TTC9: variants seen among roughly 807,000 people sequenced by gnomAD.
TTC9 encodes tetratricopeptide repeat protein 9A.
In TTC9, 13 loss-of-function variants were observed where a neutral mutation model predicts 22.9. That is an observed-to-expected ratio of 0.57 (90% CI 0.37 to 0.90). The LOEUF (loss-of-function observed/expected upper bound fraction) is 0.90. TTC9 is among the 40% of genes least tolerant of loss of function. The pLI is 0.01. For missense variants in TTC9, 280 were observed against 291.8 expected, an observed-to-expected ratio of 0.96 and a Z score of 0.29; for synonymous variants, 148 against 133.2, an observed-to-expected ratio of 1.11 and a Z score of -0.77.
intron 1 of TTC9, among the ~76,000 whole-genome samples, chr14:70,646,398 C>G (rs1413831993): frequency 1.3e-5 from 2 of 152,124 alleles, no homozygotes; most frequent in South Asian, 2.1e-4. Flanking sequence ...ACACAGGACT[C>G]CCCTGGGGCC....
At chr14:70,647,711 T>G (rs563269123) in intron 1 of TTC9, among the ~76,000 whole-genome samples, 16 of 152,360 alleles carry the variant, frequency 1.1e-4, no homozygotes, top group African/African-American at 3.8e-4. Flanking sequence ...CCATCTCCTC[T>G]GTCCCTGCTC....
intron 1 of TTC9, among the ~76,000 whole-genome samples, chr14:70,658,537 A>G (rs976382478): frequency 6.6e-6 from 1 of 152,256 alleles, no homozygotes; most frequent in African/African-American, 2.4e-5. Context: ...AAGCATTACC[A>G]TTAGGCAAGG....
intron 1 of TTC9, among the ~76,000 whole-genome samples, chr14:70,663,913 C>G (rs1886178135): frequency 6.6e-6 from 1 of 152,212 alleles, no homozygotes; most frequent in South Asian, 2.1e-4. Context: ...AGTGCACAGT[C>G]TTGGAAGCCT....
intron 1 of TTC9, among the ~76,000 whole-genome samples, chr14:70,659,132 G>GCGTGCACACACACACA (rs762892061): frequency 6.9e-6 from 1 of 144,226 alleles, no homozygotes; most frequent in East Asian, 2.0e-4. Flanking sequence ...ACACACACAC[G>GCGTGCACACACACACA]CACACACACA....
At chr14:70,665,223 G>T (rs1886198152) in intron 1 of TTC9, among the ~76,000 whole-genome samples, 1 of 152,232 alleles carries the variant, frequency 6.6e-6, no homozygotes, top group Admixed American at 6.5e-5. Flanking sequence ...GGTCAGAGAG[G>T]ACTTCAGGCA....
intron 1 of TTC9, among the ~76,000 whole-genome samples, chr14:70,665,845 G>A (rs1886208088): frequency 6.6e-6 from 1 of 152,118 alleles, no homozygotes; most frequent in African/African-American, 2.4e-5. Flanking sequence ...TCAGTGACTT[G>A]TCTCTATCCT....
In TTC9 at chr14:70,642,191, A is replaced by G. The variant is rs1385897943; in HGVS notation, c.62A>G (p.Glu21Gly). 1 of 1,222,668 alleles carries G rather than the reference A, an allele frequency of 8.2e-7. No homozygotes were observed. Among genetic ancestry groups the G allele is most frequent in the Non-Finnish European group, 1.0e-6 (1 of 976,384 alleles). The allele number at this position is 1,222,668 out of a possible 1,614,324, so 75.7% of individuals were successfully genotyped here. Reference protein sequence around the residue: ...KGNPSPPAAGEGQRPPPPLCV... With the variant: ...KGNPSPPAAGGGQRPPPPLCV... The stretch of plus-strand genomic sequence containing the variant: ...AACCCGAGCCCGCCCGCGGCCGGAG[A>G]GGGGCAGCGGCCACCGCCGCCGCTG... The change falls in exon 1 of 3, where the codon GAG (glutamate) becomes GGG (glycine). Residue 21 changes from glutamate (E) to glycine (G), a missense_variant. Transcript: ENST00000256367.
intron 1 of TTC9, 95 bp from the exon 2 acceptor site, chr14:70,667,469 A>AAT: frequency 7.2e-7 from 1 of 1,386,072 alleles, no homozygotes; most frequent in Non-Finnish European, 1.0e-6. Flanking sequence ...GGAAAACCCC[A>AAT]ACCCTGCTAA....
intron 2 of TTC9, among the ~76,000 whole-genome samples, chr14:70,670,426 G>T (rs985973706): frequency 1.4e-4 from 22 of 152,156 alleles, no homozygotes; most frequent in Admixed American, 1.3e-3. Flanking sequence ...GGGAGGCCAA[G>T]GTGGGCAGAT....
chr14:70,642,178 C>CCCGCGGCCGGAGAGGGGCAGCGG lies in TTC9; in HGVS notation c.52_74dup (p.Pro26ArgfsTer60). 1 of 1,207,116 alleles carries CCCGCGGCCGGAGAGGGGCAGCGG rather than the reference C, an allele frequency of 8.3e-7. No individual in the cohort carries two copies. The highest frequency in any genetic ancestry group is 1.0e-6 in the Non-Finnish European group (1 of 965,780). 74.8% of individuals were successfully genotyped at this position (1,207,116 alleles called of 1,614,324 possible). A position where few individuals can be genotyped will look rare whatever the true frequency, so the allele number is the denominator to read the frequency against. ...CGGGGCCAAGGGGAACCCGAGCCCG[C>CCCGCGGCCGGAGAGGGGCAGCGG]CCGCGGCCGGAGAGGGGCAGCGGCC... is the stretch of plus-strand genomic sequence containing the variant. On this transcript the variant is annotated frameshift_variant, in exon 1 of 3. Coordinates refer to ENST00000256367, the MANE Select transcript of TTC9 (RefSeq NM_015351.2). LOFTEE classifies it high-confidence loss of function.
In TTC9 at chr14:70,674,181, A is replaced by G. The variant is rs930477679; in HGVS notation, c.*3026A>G. 3 of 152,126 alleles carry G rather than the reference A, an allele frequency of 2.0e-5. No homozygotes were observed. The highest frequency in any genetic ancestry group is 2.9e-5 in the Non-Finnish European group (2 of 68,020). 9.4% of individuals were successfully genotyped at this position (152,126 alleles called of 1,614,324 possible). ...ACGTTGCGGATGTCACTGCTGACCTATGTAGCTGGAGTACTAATCAGGCAT... is the reference window on the plus strand; with the variant it reads ...ACGTTGCGGATGTCACTGCTGACCTGTGTAGCTGGAGTACTAATCAGGCAT... On this transcript the variant is annotated 3_prime_UTR_variant, in exon 3 of 3. Transcript: ENST00000256367.
chr14:70,649,205 A>G (rs1885945150), intron 1 of TTC9, among the ~76,000 whole-genome samples: 3 of 152,358 alleles, frequency 2.0e-5, no homozygotes, highest in Middle Eastern at 3.4e-3. Flanking sequence ...TAATAATGGT[A>G]TCAGTAATGA....
At chr14:70,646,451 T>C (rs906226857) in intron 1 of TTC9, among the ~76,000 whole-genome samples, 1 of 152,208 alleles carries the variant, frequency 6.6e-6, no homozygotes, top group Non-Finnish European at 1.5e-5. Context: ...CAGAGTCTTT[T>C]GCCCTACATC....
chr14:70,642,940 C>T (rs1157523864), intron 1 of TTC9, among the ~76,000 whole-genome samples: 1 of 152,224 alleles, frequency 6.6e-6, no homozygotes, highest in East Asian at 1.9e-4. Context: ...GTCTGCTCTC[C>T]TTAGGTAGCA....
At chr14:70,649,297 G>C (rs1885946463) in intron 1 of TTC9, among the ~76,000 whole-genome samples, 1 of 152,202 alleles carries the variant, frequency 6.6e-6, no homozygotes, top group Admixed American at 6.5e-5. Context: ...GCTTTTCCCA[G>C]CATCTGTCTC....
chr14:70,670,671 A>C (rs1048714174), intron 2 of TTC9, among the ~76,000 whole-genome samples: 2 of 152,012 alleles, frequency 1.3e-5, no homozygotes, highest in East Asian at 3.9e-4. Context: ...AAACAAAAAA[A>C]AATAGAGGTT....
chr14:70,666,896 C>T (rs918816604), intron 1 of TTC9, among the ~76,000 whole-genome samples: 3 of 152,168 alleles, frequency 2.0e-5, no homozygotes, highest in African/African-American at 7.2e-5. Flanking sequence ...TGATGATTGC[C>T]TCTGGTAGCT....
At chr14:70,667,782 T>C in intron 2 of TTC9, 36 bp downstream of exon 2, 1 of 1,547,778 alleles carries the variant, frequency 6.5e-7, no homozygotes. Context: ...ACTTCCTCCC[T>C]GCTCTGGTGG....
intron 1 of TTC9, among the ~76,000 whole-genome samples, chr14:70,656,210 T>TACACACACACACACAC (rs34334641): frequency 1.2e-3 from 183 of 148,022 alleles, no homozygotes; most frequent in Middle Eastern, 3.5e-3. Flanking sequence ...TTCACCCTGA[T>TACACACACACACACAC]ACACACACAC....
Sources: gnomAD v4.1 joint callset for allele counts (sites outside exome capture counted in the v4.1 genomes callset) on GRCh38, gnomAD v4.1.1 for gene constraint, MANE v1.5 for transcripts, NCBI Gene and HGNC (gene_info 2026-07-23, HGNC 2026-07-21) for gene names.